The following FAAH2 variants were observed in gnomAD, a reference collection of about 807,000 sequenced individuals.
FAAH2 encodes fatty-acid amide hydrolase 2.
FAAH2 carries 60 observed loss-of-function variants against 36.9 expected under a neutral mutation model. The ratio of observed to expected loss-of-function variants is 1.63; its 90% CI spans 1.32 to 2.02. The LOEUF (loss-of-function observed/expected upper bound fraction) is 2.02, where lower values mean the gene tolerates loss of function less well. Ranked by LOEUF, FAAH2 falls within the 30% of genes most tolerant of loss-of-function variation. FAAH2 has a pLI of 0.00. For missense variants in FAAH2, 689 were observed against 397.5 expected, an observed-to-expected ratio of 1.73 and a Z score of -6.23; for synonymous variants, 214 against 143.8, an observed-to-expected ratio of 1.49 and a Z score of -3.49.
chrX:57,151,343 TC>T, the FAAH2 span, among the ~76,000 whole-genome samples: 1 of 112,218 alleles, frequency 8.9e-6, no homozygotes. Flanking sequence ...CTGGATAATA[TC>T]CTGCAGAGTG....
At chrX:57,349,582 C>A (rs1038935222) in intron 5 of FAAH2, among the ~76,000 whole-genome samples, 14 of 103,996 alleles carry the variant, frequency 1.3e-4, no homozygotes, top group Middle Eastern at 6.9e-3. Context: ...AACAGGAATT[C>A]TAGAACTGAA....
At chrX:57,470,853 A>G (rs183270325) in intron 10 of FAAH2, among the ~76,000 whole-genome samples, 8 of 111,902 alleles carry the variant, frequency 7.1e-5, no homozygotes, top group Non-Finnish European at 1.5e-4. Flanking sequence ...TCAATAAAAT[A>G]CTGGCAAACC....
chrX:57,193,805 T>C, the FAAH2 span, among the ~76,000 whole-genome samples: 2 of 112,090 alleles, frequency 1.8e-5, no homozygotes, highest in African/African-American at 3.2e-5. Context: ...AACCCTTAAT[T>C]CTGTTGATAT....
chrX:57,305,165 C>T (rs1236297035), intron 2 of FAAH2, among the ~76,000 whole-genome samples: 3 of 110,433 alleles, frequency 2.7e-5, no homozygotes, highest in African/African-American at 9.9e-5. Context: ...ACACTGATAA[C>T]TCCTGGAACT....
the FAAH2 span, chrX:57,136,055 A>T: frequency 1.7e-6 from 2 of 1,203,539 alleles, no homozygotes; most frequent in Non-Finnish European, 1.1e-6. Context: ...CACCTTCCTT[A>T]TAATCATCTA....
At chrX:57,173,446 G>T in the FAAH2 span, among the ~76,000 whole-genome samples, 19 of 112,144 alleles carry the variant, frequency 1.7e-4, no homozygotes, top group Non-Finnish European at 3.2e-4. Context: ...AGACTTTACT[G>T]AATTCACTTA....
At chrX:57,444,163 A>G (rs2147162800) in intron 8 of FAAH2, among the ~76,000 whole-genome samples, 1 of 112,559 alleles carries the variant, frequency 8.9e-6, no homozygotes, top group Non-Finnish European at 1.9e-5. Context: ...TTAATTCTGC[A>G]GAAATTTCTG....
intron 8 of FAAH2, among the ~76,000 whole-genome samples, chrX:57,444,934 A>T (rs1346750493): frequency 9.0e-6 from 1 of 111,563 alleles, no homozygotes; most frequent in East Asian, 2.8e-4. Context: ...CCTATTTTCA[A>T]TTCTCTGCCT....
the FAAH2 span, among the ~76,000 whole-genome samples, chrX:57,263,792 G>T: frequency 4.2e-3 from 468 of 111,492 alleles, 3 homozygotes; most frequent in African/African-American, 0.015. Context: ...CTACCCAATT[G>T]TATTACATTA....
At chrX:57,170,849 C>T in the FAAH2 span, among the ~76,000 whole-genome samples, 3 of 107,919 alleles carry the variant, frequency 2.8e-5, no homozygotes. Flanking sequence ...GGATTACAGG[C>T]GCTCGCCACC....
chrX:57,271,240 C>T, the FAAH2 span, among the ~76,000 whole-genome samples: 1 of 112,723 alleles, frequency 8.9e-6, no homozygotes, highest in Non-Finnish European at 1.9e-5. Context: ...GGGCAGAGCC[C>T]ACTGTAGCTC....
At chrX:57,207,600 G>T in the FAAH2 span, among the ~76,000 whole-genome samples, 1 of 112,402 alleles carries the variant, frequency 8.9e-6, no homozygotes, top group Non-Finnish European at 1.9e-5. Context: ...AGCACAATCA[G>T]GAGTTGTGCT....
At chrX:57,282,971 G>T (rs1038936447), upstream of FAAH2, among the ~76,000 whole-genome samples, 5 of 111,936 alleles carry the variant, frequency 4.5e-5, no homozygotes, top group Admixed American at 4.7e-4. Flanking sequence ...CTTGGCAGTG[G>T]CTATGGCAGA....
At chrX:57,262,979 T>C in the FAAH2 span, among the ~76,000 whole-genome samples, 7,405 of 111,346 alleles carry the variant, frequency 0.067, 244 homozygotes, top group Middle Eastern at 0.31. Context: ...AAAATAGCTC[T>C]AAGAATACTA....
intron 10 of FAAH2, among the ~76,000 whole-genome samples, chrX:57,481,310 G>A (rs1377660621): frequency 1.8e-5 from 2 of 111,009 alleles, no homozygotes; most frequent in African/African-American, 6.6e-5. Flanking sequence ...ATCTTTTGGA[G>A]AAGAGGCTTT....
intron 8 of FAAH2, among the ~76,000 whole-genome samples, chrX:57,445,424 G>A (rs920490026): frequency 1.7e-4 from 19 of 111,684 alleles, no homozygotes; most frequent in African/African-American, 6.2e-4. Flanking sequence ...CACTACAGCT[G>A]GCAGTGTGCT....
At chrX:57,370,861 C>G (rs916909842) in intron 5 of FAAH2, among the ~76,000 whole-genome samples, 2 of 111,662 alleles carry the variant, frequency 1.8e-5, no homozygotes, top group African/African-American at 3.3e-5. Flanking sequence ...AGCTTCATCT[C>G]AAAACCATCT....
At chrX:57,158,417 C>T in the FAAH2 span, among the ~76,000 whole-genome samples, 76 of 112,088 alleles carry the variant, frequency 6.8e-4, no homozygotes, top group African/African-American at 2.0e-3. Context: ...CCTGAGGAAT[C>T]GCCACACTGA....
chrX:57,363,055 C>T (rs1018336247), intron 5 of FAAH2, among the ~76,000 whole-genome samples: 4 of 111,601 alleles, frequency 3.6e-5, no homozygotes, highest in African/African-American at 6.5e-5. Flanking sequence ...TTTGGCTATT[C>T]GGGCTTTTCT....
Sources: allele counts gnomAD v4.1 joint callset (sites outside exome capture counted in the v4.1 genomes callset), GRCh38; gene constraint gnomAD v4.1.1; transcripts MANE v1.5; gene names NCBI Gene and HGNC (gene_info 2026-07-23, HGNC 2026-07-21).